Variants in SLC7A14 observed in about 807,000 individuals in gnomAD.
The protein encoded by SLC7A14 is solute carrier family 7 member 14.
SLC7A14 carries 37 observed loss-of-function variants against 60.2 expected under a neutral mutation model. The ratio of observed to expected loss-of-function variants is 0.61; its 90% CI spans 0.47 to 0.81. The LOEUF is 0.81. SLC7A14 is among the 30% of genes least tolerant of loss of function. The probability of loss-of-function intolerance (pLI) is 0.00; values close to 1 mark genes in which losing one functional copy is unlikely to be tolerated. For missense variants in SLC7A14, 886 were observed against 982.7 expected (o/e 0.90, Z 1.32); for synonymous variants, 399 against 395.8 (o/e 1.01, Z -0.10).
At chr3:170,584,484 A>C (rs1357456935) in intron 1 of SLC7A14, among the ~76,000 whole-genome samples, 1 of 152,092 alleles carries the variant, frequency 6.6e-6, no homozygotes, top group Non-Finnish European at 1.5e-5. Flanking sequence ...AGTTAGCAAA[A>C]CTGGATCCTG....
chr3:170,527,335 C>G (rs1252615512), intron 1 of SLC7A14, among the ~76,000 whole-genome samples: 1 of 152,228 alleles, frequency 6.6e-6, no homozygotes, highest in Admixed American at 6.5e-5. Context: ...CTGCCACTTA[C>G]TGCTCTGTGG....
intron 4 of SLC7A14, among the ~76,000 whole-genome samples, chr3:170,490,399 T>C (rs1204054414): frequency 2.6e-5 from 4 of 152,152 alleles, no homozygotes; most frequent in Admixed American, 2.6e-4. Flanking sequence ...CACATATACA[T>C]ACATATACAT....
At chr3:170,496,650 G>A in intron 4 of SLC7A14, 1 of 1,350,594 alleles carries the variant, frequency 7.4e-7, no homozygotes, top group South Asian at 1.2e-5. Flanking sequence ...AGTCTGGGAT[G>A]CAGAACACGA....
chr3:170,531,362 CA>C (rs1392760428), intron 1 of SLC7A14, among the ~76,000 whole-genome samples: 1 of 151,964 alleles, frequency 6.6e-6, no homozygotes, highest in Non-Finnish European at 1.5e-5. Flanking sequence ...CAGCCTTCAT[CA>C]GAAACTGTCA....
intron 1 of SLC7A14, among the ~76,000 whole-genome samples, chr3:170,551,589 C>G (rs1214978853): frequency 6.6e-6 from 1 of 152,198 alleles, no homozygotes; most frequent in African/African-American, 2.4e-5. Context: ...AAAATTACAA[C>G]CATCCTAAAG....
At chr3:170,477,385 T>C (rs1711652550) in intron 7 of SLC7A14, among the ~76,000 whole-genome samples, 1 of 152,254 alleles carries the variant, frequency 6.6e-6, no homozygotes, top group South Asian at 2.1e-4. Context: ...GCTATAACCA[T>C]GGCCTCTGGC....
chr3:170,520,071 T>C (rs1332687663), intron 2 of SLC7A14, among the ~76,000 whole-genome samples: 1 of 152,208 alleles, frequency 6.6e-6, no homozygotes. Context: ...TTGTCTGCAA[T>C]TGAATGTAAT....
At chr3:170,486,906 T>C (rs1560254365) in intron 4 of SLC7A14, among the ~76,000 whole-genome samples, 1 of 150,470 alleles carries the variant, frequency 6.6e-6, no homozygotes, top group Non-Finnish European at 1.5e-5. Flanking sequence ...TGGCTCTTAG[T>C]GTAGGGGATT....
chr3:170,469,652 AG>A (rs1242197571), intron 7 of SLC7A14, among the ~76,000 whole-genome samples: 3 of 152,156 alleles, frequency 2.0e-5, no homozygotes, highest in Non-Finnish European at 2.9e-5. Flanking sequence ...GCGACCAGGC[AG>A]GACCTGTGCA....
rs767484956 is a variant in SLC7A14, at chr3:170,480,615, C to T, written c.1667G>A (p.Arg556Gln). ...IRLGLPGKMD[R>Q]PTAATGHTVT... Reference sequence around the variant, plus strand: ...CGTGTGCCCCGTCGCTGCTGTGGGCCGGTCCATTTTGCCTGGAAGGCCCAG... The same window carrying T: ...CGTGTGCCCCGTCGCTGCTGTGGGCTGGTCCATTTTGCCTGGAAGGCCCAG... The change falls in exon 7 of 8, where the codon CGG becomes CAG. Residue 556 changes from arginine (R) to glutamine (Q), a missense_variant. By Grantham distance (43) the Arg-to-Gln change is conservative (BLOSUM62 1). Coordinates refer to ENST00000231706, the MANE Select transcript of SLC7A14 (RefSeq NM_020949.3). 2.0e-5 allele frequency: 32 copies of T among 1,614,198 alleles called. No individual in the cohort carries two copies. Among genetic ancestry groups the T allele is most frequent in the East Asian group, 1.3e-4 (6 of 44,880 alleles).
At position 170,464,850 on chromosome 3, in the gene SLC7A14, CT is replaced by C. The variant is rs1739682218; in HGVS notation, c.*2204del. On this transcript the variant is annotated 3_prime_UTR_variant, in exon 8 of 8. Transcript: ENST00000231706. ...CACGTTAAGATTTTGCCATTTTGCA[CT>C]CCTATTTCTCTATTCTCATGCTTAA... 4.6e-5 allele frequency: 7 copies of C among 152,322 alleles called. No homozygotes were observed. In the South Asian group the frequency reaches 1.4e-3, roughly 32 times the overall value. The allele number at this position is 152,322 out of a possible 1,614,324, so 9.4% of individuals were successfully genotyped here.
chr3:170,564,169 G>GCTAC (rs1714734532), intron 1 of SLC7A14, among the ~76,000 whole-genome samples: 1 of 152,162 alleles, frequency 6.6e-6, no homozygotes, highest in South Asian at 2.1e-4. Context: ...AGCAGTGAAT[G>GCTAC]CTACCTAAGC....
chr3:170,512,700 G>A (rs1713021194), intron 2 of SLC7A14, among the ~76,000 whole-genome samples: 1 of 107,810 alleles, frequency 9.3e-6, no homozygotes, highest in Admixed American at 1.5e-4. Flanking sequence ...GTCTCGCTCT[G>A]TCGCCCAGGC....
intron 3 of SLC7A14, among the ~76,000 whole-genome samples, 153 bp from the exon 4 acceptor site, chr3:170,499,037 C>A (rs1482859123): frequency 6.6e-6 from 1 of 151,714 alleles, no homozygotes; most frequent in East Asian, 1.9e-4. Context: ...GAGATTGAGA[C>A]CATCCTGGCT....
intron 1 of SLC7A14, among the ~76,000 whole-genome samples, chr3:170,579,775 C>T (rs901741458): frequency 2.0e-5 from 3 of 152,188 alleles, no homozygotes; most frequent in Non-Finnish European, 2.9e-5. Flanking sequence ...ATCATGAAGG[C>T]CAGCCAAATA....
At chr3:170,470,793 G>A (rs1739878082) in intron 7 of SLC7A14, among the ~76,000 whole-genome samples, 1 of 152,140 alleles carries the variant, frequency 6.6e-6, no homozygotes, top group South Asian at 2.1e-4. Flanking sequence ...ATAAACAAGG[G>A]CTTTGTGTCG....
chr3:170,467,495 C>T (rs73882014), intron 7 of SLC7A14, 118 bp from the exon 8 acceptor site: 7,983 of 143,800 alleles, frequency 0.056, 517 homozygotes, highest in African/African-American at 0.18. Flanking sequence ...GCGGTGGGGG[C>T]GGGGATGTAT....
intron 4 of SLC7A14, chr3:170,496,564 T>G (rs982188607): frequency 1.8e-5 from 29 of 1,599,186 alleles, no homozygotes; most frequent in African/African-American, 5.4e-5. Flanking sequence ...CAGGAGCTGA[T>G]GAACGTCAAA....
intron 1 of SLC7A14, among the ~76,000 whole-genome samples, chr3:170,553,472 C>T (rs1714404341): frequency 6.6e-6 from 1 of 152,216 alleles, no homozygotes; most frequent in African/African-American, 2.4e-5. Flanking sequence ...ACATTGTCAT[C>T]ATCGTCGTCA....
Sources: allele counts gnomAD v4.1 joint callset (sites outside exome capture counted in the v4.1 genomes callset), GRCh38; gene constraint gnomAD v4.1.1; transcripts MANE v1.5; gene names NCBI Gene and HGNC (gene_info 2026-07-23, HGNC 2026-07-21).